LARS1: variants seen among roughly 807,000 people sequenced by gnomAD.
LARS1 encodes leucyl-tRNA synthetase 1.
A neutral mutation model predicts 162.8 loss-of-function variants in LARS1; 100 were observed. That is an observed-to-expected ratio of 0.61 (90% confidence interval 0.52 to 0.73). The LOEUF (loss-of-function observed/expected upper bound fraction) is 0.73, where lower values mean the gene tolerates loss of function less well. LARS1 is among the 30% of genes least tolerant of loss of function. The probability of loss-of-function intolerance (pLI) is 0.00; values close to 1 mark genes in which losing one functional copy is unlikely to be tolerated. For missense variants in LARS1, 1,258 were observed against 1,408.9 expected (o/e 0.89, Z 1.71); for synonymous variants, 457 against 462.8 (o/e 0.99, Z 0.16).
In LARS1 at chr5:146,182,579, G is replaced by C. The variant is rs1581104258; in HGVS notation, c.-86C>G. 6.3e-7 allele frequency: 1 copy of C among 1,576,750 alleles called. No homozygotes were observed. The highest frequency in any genetic ancestry group is 8.7e-7 in the Non-Finnish European group (1 of 1,146,548). On this transcript the variant is annotated 5_prime_UTR_variant, in exon 1 of 32. Coordinates refer to ENST00000394434, the MANE Select transcript of LARS1 (RefSeq NM_020117.11). ...GTGGTTACCTTTCCCCTCCCTCTCGGGGATGCCAGGCCTCCCACGAAACTA... is the reference window on the plus strand; with the variant it reads ...GTGGTTACCTTTCCCCTCCCTCTCGCGGATGCCAGGCCTCCCACGAAACTA...
At chr5:146,131,491 T>G (rs939560362) in intron 23 of LARS1, 5 of 145,508 alleles carry the variant, frequency 3.4e-5, no homozygotes, top group Non-Finnish European at 6.0e-5. Flanking sequence ...GCCAAGTTTT[T>G]TTTTTTTTTT....
At chr5:146,148,369 TG>T (rs1290589611) in intron 15 of LARS1, among the ~76,000 whole-genome samples, 1 of 152,170 alleles carries the variant, frequency 6.6e-6, no homozygotes, top group East Asian at 1.9e-4. Context: ...GAAAGCACAC[TG>T]ATGTGTTTGA....
intron 31 of LARS1, 61 bp from the exon 32 acceptor site, chr5:146,114,372 G>T: frequency 7.5e-7 from 1 of 1,326,730 alleles, no homozygotes; most frequent in Non-Finnish European, 1.1e-6. Context: ...CCCTGGAGCA[G>T]TCTGAGAACT....
chr5:146,133,170 A>C, intron 22 of LARS1, 89 bp from the exon 23 acceptor site: 1 of 1,084,466 alleles, frequency 9.2e-7, no homozygotes. Context: ...TACCTTGCAA[A>C]GCCCATATAT....
rs34896615 is a variant in LARS1, at chr5:146,176,448, CAAA to C, written c.125+1096_125+1098del. Among the ~76,000 whole-genome samples, 59 of 76,986 alleles carry C rather than the reference CAAA, an allele frequency of 7.7e-4. 2 individuals are homozygous for C. Among genetic ancestry groups the C allele is most frequent in the Admixed American group, 3.1e-3 (24 of 7,712 alleles). 50.5% of individuals were successfully genotyped at this position (76,986 alleles called of 152,430 possible). On this transcript the variant is annotated intron_variant, in intron 2 of 31. Coordinates refer to ENST00000394434, the MANE Select transcript of LARS1 (RefSeq NM_020117.11). ...GCCTGATGACAGAGCAAGACTGTCT[CAAA>C]AAAAAAAAAAAAAAAAGAAAGAAAG... is the stretch of plus-strand genomic sequence containing the variant.
In LARS1 at chr5:146,172,719, A is replaced by G. The variant is rs771467804; in HGVS notation, c.181T>C (p.Leu61=). The change falls in exon 3 of 32, where the codon TTG becomes CTG. Residue 61 remains leucine (L), a synonymous_variant. Transcript: ENST00000394434. Reference sequence around the variant, plus strand: ...TTGGATAAAGAAAACGTGTGTCCCAAATGAAGGCGTCCATTCATATATGGA... The same window carrying G: ...TTGGATAAAGAAAACGTGTGTCCCAGATGAAGGCGTCCATTCATATATGGA... The part of the protein sequence containing the change: ...PYPYMNGRLH[L]GHTFSLSKCE... 4 of 1,586,402 alleles carry G rather than the reference A, an allele frequency of 2.5e-6. No homozygotes were observed. The highest frequency in any genetic ancestry group is 3.4e-6 in the Non-Finnish European group (4 of 1,167,684).
rs11953517 is a variant in LARS1, at chr5:146,130,010, G to C, written c.2628+8C>G. 6.3e-7 allele frequency: 1 copy of C among 1,597,634 alleles called. No individual in the cohort carries two copies. Among genetic ancestry groups the C allele is most frequent in the East Asian group, 2.2e-5 (1 of 44,648 alleles). ...ACCACTCGAAACATTTTAAATGCATGAAGGTACCTTTCCCAGGAGTGTCCA... is the reference window on the plus strand; with the variant it reads ...ACCACTCGAAACATTTTAAATGCATCAAGGTACCTTTCCCAGGAGTGTCCA... On this transcript the variant is annotated splice_region_variant and intron_variant, in intron 25 of 31. Coordinates refer to ENST00000394434, the MANE Select transcript of LARS1 (RefSeq NM_020117.11).
At chr5:146,135,307 G>A (rs958893456) in intron 22 of LARS1, among the ~76,000 whole-genome samples, 14 of 151,738 alleles carry the variant, frequency 9.2e-5, no homozygotes, top group East Asian at 2.0e-4. Flanking sequence ...GTGAGCCACC[G>A]CGCTTGGCCC....
intron 30 of LARS1, among the ~76,000 whole-genome samples, chr5:146,121,865 T>C (rs976303692): frequency 6.6e-6 from 1 of 151,994 alleles, no homozygotes; most frequent in African/African-American, 2.4e-5. Context: ...TTAAGAGAAA[T>C]ACCTAATGTA....
intron 15 of LARS1, among the ~76,000 whole-genome samples, chr5:146,149,218 T>C (rs1471812894): frequency 6.6e-6 from 1 of 152,206 alleles, no homozygotes; most frequent in South Asian, 2.1e-4. Context: ...TCTCTCATAG[T>C]ATTATGGGTA....
intron 31 of LARS1, among the ~76,000 whole-genome samples, chr5:146,115,219 C>G (rs1233302392): frequency 6.6e-6 from 1 of 151,924 alleles, no homozygotes; most frequent in Non-Finnish European, 1.5e-5. Context: ...CCTATATGGT[C>G]TCTCAAATCA....
intron 22 of LARS1, among the ~76,000 whole-genome samples, chr5:146,133,652 A>C (rs1752388018): frequency 1.3e-5 from 2 of 151,256 alleles, no homozygotes; most frequent in Non-Finnish European, 2.9e-5. Context: ...TCCATCAATT[A>C]AACTGTAGGA....
intron 12 of LARS1, 39 bp downstream of exon 12, chr5:146,153,695 G>A: frequency 6.6e-7 from 1 of 1,519,732 alleles, no homozygotes; most frequent in South Asian, 1.1e-5. Context: ...GCAATGAGAT[G>A]GTGAGGACGA....
At chr5:146,162,568 A>C (rs1753821892) in intron 6 of LARS1, among the ~76,000 whole-genome samples, 1 of 152,164 alleles carries the variant, frequency 6.6e-6, no homozygotes, top group South Asian at 2.1e-4. Context: ...AAGGCCTTAA[A>C]ATTTTCCAAA....
intron 10 of LARS1, among the ~76,000 whole-genome samples, chr5:146,156,944 T>C (rs900288140): frequency 6.6e-6 from 1 of 152,094 alleles, no homozygotes; most frequent in African/African-American, 2.4e-5. Context: ...AAAAATAAAA[T>C]ATGCTATCTT....
chr5:146,135,512 A>G (rs1277049778), intron 22 of LARS1, 89 bp downstream of exon 22: 1 of 962,386 alleles, frequency 1.0e-6, no homozygotes, highest in Non-Finnish European at 1.6e-6. Flanking sequence ...GCAAAACAGA[A>G]AGTAAAATTA....
chr5:146,153,318 TC>T (rs888444552), intron 12 of LARS1, 91 bp from the exon 13 acceptor site: 59 of 935,018 alleles, frequency 6.3e-5, no homozygotes, highest in Non-Finnish European at 8.4e-5. Context: ...CTTAAAAGTT[TC>T]TTTAAAGTTT....
chr5:146,130,260 A>G lies in LARS1; in HGVS notation c.2488-102T>C. 2 of 1,114,020 alleles carry G rather than the reference A, an allele frequency of 1.8e-6. 1 individual carries two copies. Among genetic ancestry groups the G allele is most frequent in the South Asian group, 2.8e-5 (2 of 71,302 alleles). 69.0% of individuals were successfully genotyped at this position (1,114,020 alleles called of 1,614,324 possible). A position where few individuals can be genotyped will look rare whatever the true frequency, so the allele number is the denominator to read the frequency against. ...GGTTTTAACACATTTTTAAGTTTCTAGTCTTTTAAAAATCCATAACAAATT... is the reference window on the plus strand; with the variant it reads ...GGTTTTAACACATTTTTAAGTTTCTGGTCTTTTAAAAATCCATAACAAATT... On this transcript the variant is annotated intron_variant, in intron 24 of 31. Transcript: ENST00000394434.
chr5:146,153,119 CT>C, intron 13 of LARS1, 54 bp downstream of exon 13: 1 of 1,368,010 alleles, frequency 7.3e-7, no homozygotes, highest in Non-Finnish European at 1.0e-6. Context: ...GTTAGCTCTT[CT>C]TTTTCTCTGA....
Sources: gnomAD v4.1 joint callset for allele counts (sites outside exome capture counted in the v4.1 genomes callset) on GRCh38, gnomAD v4.1.1 for gene constraint, MANE v1.5 for transcripts, NCBI Gene and HGNC (gene_info 2026-07-23, HGNC 2026-07-21) for gene names.